Variants in CHST11 observed in about 807,000 individuals in gnomAD.
CHST11 encodes the protein carbohydrate sulfotransferase 11, also known as C4S-1.
A neutral mutation model predicts 30.4 loss-of-function variants in CHST11; 9 were observed. That is an observed-to-expected ratio of 0.30 (90% CI 0.18 to 0.52). The LOEUF (loss-of-function observed/expected upper bound fraction) is 0.52. Among genes scored for constraint, CHST11 ranks in the 20% least tolerant of loss-of-function variants. The pLI is 0.97. For missense variants in CHST11, 348 were observed against 460.6 expected, an observed-to-expected ratio of 0.76 and a Z score of 2.24; for synonymous variants, 152 against 187.8, an observed-to-expected ratio of 0.81 and a Z score of 1.56.
At chr12:104,704,025 GA>G (rs1230005102) in intron 2 of CHST11, among the ~76,000 whole-genome samples, 1 of 152,176 alleles carries the variant, frequency 6.6e-6, no homozygotes. Context: ...TGTTGAATGG[GA>G]TATGTGTCCA....
chr12:104,503,306 T>C (rs1433217226), intron 1 of CHST11, among the ~76,000 whole-genome samples: 1 of 152,216 alleles, frequency 6.6e-6, no homozygotes. Flanking sequence ...GGTAGGAGTA[T>C]GTCCATTCAG....
chr12:104,566,789 G>A (rs967081401), intron 1 of CHST11, among the ~76,000 whole-genome samples: 2 of 152,122 alleles, frequency 1.3e-5, no homozygotes, highest in Non-Finnish European at 2.9e-5. Context: ...CCTAGTGTGA[G>A]TACGGCAGAC....
intron 2 of CHST11, among the ~76,000 whole-genome samples, chr12:104,745,531 T>C (rs2040383180): frequency 6.6e-6 from 1 of 152,196 alleles, no homozygotes; most frequent in Non-Finnish European, 1.5e-5. Context: ...CTTTAGGCAG[T>C]AGGGCCATTT....
chr12:104,593,494 T>G (rs969302771), intron 1 of CHST11, among the ~76,000 whole-genome samples: 3 of 152,210 alleles, frequency 2.0e-5, no homozygotes, highest in African/African-American at 7.2e-5. Flanking sequence ...AAGTCAGTTG[T>G]GAATACAAGC....
At chr12:104,671,382 G>C (rs941592010) in intron 2 of CHST11, among the ~76,000 whole-genome samples, 1 of 152,198 alleles carries the variant, frequency 6.6e-6, no homozygotes, top group African/African-American at 2.4e-5. Flanking sequence ...AGTGGGGTCA[G>C]TATTTGCCCT....
intron 2 of CHST11, among the ~76,000 whole-genome samples, chr12:104,728,712 C>A (rs1022774322): frequency 6.6e-6 from 1 of 152,196 alleles, no homozygotes; most frequent in African/African-American, 2.4e-5. Flanking sequence ...CCCAACCCTA[C>A]CCGGGAAGGC....
intron 1 of CHST11, among the ~76,000 whole-genome samples, chr12:104,466,724 TA>T (rs573118911): frequency 1.3e-3 from 191 of 152,368 alleles, no homozygotes; most frequent in African/African-American, 4.4e-3. Context: ...ACCCTATTGG[TA>T]AAACATATTT....
At chr12:104,462,090 C>T (rs1043594312) in intron 1 of CHST11, among the ~76,000 whole-genome samples, 7 of 145,302 alleles carry the variant, frequency 4.8e-5, no homozygotes, top group Admixed American at 1.4e-4. Context: ...TCACTTGAAC[C>T]AGGGAGGCGG....
chr12:104,487,839 A>C (rs748006329), intron 1 of CHST11, among the ~76,000 whole-genome samples: 1 of 149,040 alleles, frequency 6.7e-6, no homozygotes, highest in Non-Finnish European at 1.5e-5. Context: ...ATACTGGTAC[A>C]TTTTTCTTTT....
chr12:104,561,870 A>C (rs1307932372), intron 1 of CHST11, among the ~76,000 whole-genome samples: 1 of 146,796 alleles, frequency 6.8e-6, no homozygotes, highest in Non-Finnish European at 1.5e-5. Flanking sequence ...GGCTCACTGC[A>C]ACCTCTGCCT....
chr12:104,689,267 C>T (rs879743321), intron 2 of CHST11, among the ~76,000 whole-genome samples: 1 of 152,232 alleles, frequency 6.6e-6, no homozygotes, highest in Non-Finnish European at 1.5e-5. Flanking sequence ...AACCTCAGGG[C>T]CATAAATCGC....
intron 1 of CHST11, among the ~76,000 whole-genome samples, chr12:104,594,592 A>C (rs10861247): frequency 6.6e-6 from 1 of 151,968 alleles, no homozygotes; most frequent in Admixed American, 6.5e-5. Context: ...TCTTTCCTCC[A>C]GTTCTGGTAT....
intron 2 of CHST11, among the ~76,000 whole-genome samples, chr12:104,669,459 TCCACTGTCCCCGAGG>T (rs762782794): frequency 1.8e-4 from 27 of 152,224 alleles, no homozygotes; most frequent in Non-Finnish European, 3.1e-4. Flanking sequence ...TCTAGGTCTT[TCCACTGTCCCCGAGG>T]CCGGATTCTG....
At chr12:104,555,903 G>A (rs1259899342) in intron 1 of CHST11, among the ~76,000 whole-genome samples, 6 of 152,248 alleles carry the variant, frequency 3.9e-5, no homozygotes, top group Admixed American at 3.9e-4. Context: ...CGGGCAGGGA[G>A]TCCAGGTGGA....
intron 2 of CHST11, among the ~76,000 whole-genome samples, chr12:104,754,667 A>G (rs2040460409): frequency 1.3e-5 from 2 of 152,164 alleles, no homozygotes; most frequent in Non-Finnish European, 2.9e-5. Flanking sequence ...TCTTGATGGG[A>G]GGAGTGTCAG....
chr12:104,733,654 C>A lies in CHST11; in HGVS notation c.205-23295C>A, dbSNP rs77342049. On this transcript the variant is annotated intron_variant, in intron 2 of 2. Transcript: ENST00000303694. Reference sequence around the variant, plus strand: ...AATGGTAAAACTGCAATTACTTTTGCGCCAACCTAATACTATCCCTACCTT... The same window carrying A: ...AATGGTAAAACTGCAATTACTTTTGAGCCAACCTAATACTATCCCTACCTT... 9.4e-3 allele frequency among the ~76,000 whole-genome samples: 1,436 copies of A among 152,296 alleles called. 24 individuals are homozygous for A. Among genetic ancestry groups the A allele is most frequent in the African/African-American group, 0.033 (1,375 of 41,552 alleles).
intron 1 of CHST11, among the ~76,000 whole-genome samples, chr12:104,541,314 G>A (rs1287947796): frequency 6.6e-6 from 1 of 152,128 alleles, no homozygotes; most frequent in East Asian, 1.9e-4. Context: ...CAGTGAAGTT[G>A]ACATCTTAAA....
At chr12:104,494,232 A>G (rs2037777510) in intron 1 of CHST11, among the ~76,000 whole-genome samples, 1 of 152,168 alleles carries the variant, frequency 6.6e-6, no homozygotes. Context: ...CCCTCTGAAG[A>G]GATGCCGTGC....
intron 2 of CHST11, among the ~76,000 whole-genome samples, chr12:104,665,909 T>A (rs1367428508): frequency 1.4e-5 from 2 of 140,298 alleles, no homozygotes; most frequent in Non-Finnish European, 3.1e-5. Context: ...AACCTCTGCC[T>A]TCCAGGTTGA....
Sources: gnomAD v4.1 joint callset for allele counts (sites outside exome capture counted in the v4.1 genomes callset) on GRCh38, gnomAD v4.1.1 for gene constraint, MANE v1.5 for transcripts, NCBI Gene and HGNC (gene_info 2026-07-23, HGNC 2026-07-21) for gene names.